Variants in COLEC12 observed in about 807,000 individuals in gnomAD.
The protein encoded by COLEC12 is collectin-12.
In COLEC12, 33 loss-of-function variants were observed where a neutral mutation model predicts 71.1. That is an observed-to-expected ratio of 0.46 (90% CI 0.35 to 0.62). The LOEUF (loss-of-function observed/expected upper bound fraction) is 0.62. Among genes scored for constraint, COLEC12 ranks in the 20% least tolerant of loss-of-function variants. The pLI is 0.00. For missense variants in COLEC12, 765 were observed against 916.1 expected (o/e 0.84, Z 2.13); for synonymous variants, 350 against 353.0 (o/e 0.99, Z 0.10).
rs546406842 is a variant in COLEC12 at position 418,019 on chromosome 18, G to A, written c.59-60497C>T. 9.8e-5 allele frequency among the ~76,000 whole-genome samples: 15 copies of A among 152,322 alleles called. No homozygotes were observed. The South Asian group carries it at 3.1e-3, about 32-fold the overall frequency. On this transcript the variant is annotated intron_variant, in intron 2 of 9. Transcript: ENST00000400256. ...GGCTGCTCTAAGGCCCAAGAAGCCA[G>A]GGTGAGGGAGGGGTGAAGAACACAG... is the stretch of plus-strand genomic sequence containing the variant.
chr18:485,202 G>A (rs756882541), intron 1 of COLEC12, among the ~76,000 whole-genome samples: 9 of 152,140 alleles, frequency 5.9e-5, no homozygotes, highest in Non-Finnish European at 1.0e-4. Flanking sequence ...TTACAGTATC[G>A]GGGCCTGCAA....
At chr18:438,892 G>A (rs973788690) in intron 2 of COLEC12, among the ~76,000 whole-genome samples, 2 of 151,914 alleles carry the variant, frequency 1.3e-5, no homozygotes, top group African/African-American at 2.4e-5. Context: ...GAAGACCAGA[G>A]CTAAAGTTAG....
chr18:463,058 C>A (rs1917013822), intron 2 of COLEC12, among the ~76,000 whole-genome samples: 2 of 152,174 alleles, frequency 1.3e-5, no homozygotes, highest in Non-Finnish European at 2.9e-5. Flanking sequence ...GTGGCAGGTT[C>A]TGAAGAAGCC....
At chr18:414,864 T>C (rs561646906) in intron 2 of COLEC12, among the ~76,000 whole-genome samples, 3 of 152,306 alleles carry the variant, frequency 2.0e-5, no homozygotes, top group East Asian at 1.9e-4. Flanking sequence ...GGTCCAGTAA[T>C]ACATTTGTGA....
chr18:477,164 C>T (rs1412101870), intron 2 of COLEC12, among the ~76,000 whole-genome samples: 2 of 152,164 alleles, frequency 1.3e-5, no homozygotes, highest in Non-Finnish European at 2.9e-5. Context: ...AATACAATAC[C>T]ATGCTAGATC....
intron 2 of COLEC12, among the ~76,000 whole-genome samples, chr18:422,231 G>C (rs1255451624): frequency 6.6e-6 from 1 of 152,150 alleles, no homozygotes; most frequent in Non-Finnish European, 1.5e-5. Flanking sequence ...TCTAACTTGG[G>C]GCACCTTTAA....
chr18:334,446 G>T, intron 6 of COLEC12: 1 of 201,868 alleles, frequency 5.0e-6, no homozygotes. Flanking sequence ...TGGCCAACAC[G>T]GTGAAACCCC....
At chr18:375,283 C>T (rs1283062797) in intron 2 of COLEC12, among the ~76,000 whole-genome samples, 2 of 152,194 alleles carry the variant, frequency 1.3e-5, no homozygotes, top group South Asian at 2.1e-4. Flanking sequence ...CACCAGGCCT[C>T]GAACACACCA....
chr18:457,957 T>C (rs531964575), intron 2 of COLEC12, among the ~76,000 whole-genome samples: 1 of 152,332 alleles, frequency 6.6e-6, no homozygotes, highest in East Asian at 1.9e-4. Flanking sequence ...TAAGTTCTTC[T>C]GAGTTACATA....
chr18:451,811 T>A (rs566522359), intron 2 of COLEC12, among the ~76,000 whole-genome samples: 19 of 151,954 alleles, frequency 1.3e-4, no homozygotes, highest in African/African-American at 4.6e-4. Context: ...GTGTAAAAGT[T>A]TGGAAAATTT....
intron 2 of COLEC12, among the ~76,000 whole-genome samples, chr18:379,679 TTAGAG>T (rs1915190147): frequency 6.6e-6 from 1 of 152,072 alleles, no homozygotes; most frequent in African/African-American, 2.4e-5. Context: ...GACAAGTGAT[TTAGAG>T]TAAAGTGGTC....
chr18:328,005 T>C (rs577031595), intron 8 of COLEC12, among the ~76,000 whole-genome samples: 1 of 152,278 alleles, frequency 6.6e-6, no homozygotes, highest in South Asian at 2.1e-4. Flanking sequence ...TTCCTTTTTT[T>C]TTCCTCGTTT....
intron 6 of COLEC12, chr18:333,832 C>G (rs1453234538): frequency 6.6e-6 from 1 of 152,078 alleles, no homozygotes. Context: ...GCAGGCTTCC[C>G]TGAAGGAAAT....
Position 480,299 on chromosome 18 carries a change from C to T in COLEC12, c.58+408G>A, listed in dbSNP as rs1014364807. Among the ~76,000 whole-genome samples the T allele has an allele frequency of 6.6e-6, 1 of 152,196 alleles. No homozygotes were observed. Among genetic ancestry groups the T allele is most frequent in the African/African-American group, 2.4e-5 (1 of 41,434 alleles). ...CAGGCAGATTCTTGGAAGAAGTCTC[C>T]CTCTCACTCATCCATGAACACTGGG... On this transcript the variant is annotated intron_variant, in intron 2 of 9. Transcript: ENST00000400256. The surrounding 1 kb of genome is among the most constrained non-coding windows in gnomAD (Gnocchi z 4.1).
intron 2 of COLEC12, among the ~76,000 whole-genome samples, chr18:432,909 T>C (rs1339928704): frequency 6.6e-6 from 1 of 152,204 alleles, no homozygotes; most frequent in Non-Finnish European, 1.5e-5. Flanking sequence ...ACAGTTTTAT[T>C]AGGTTCTTGT....
intron 2 of COLEC12, among the ~76,000 whole-genome samples, chr18:376,622 T>C (rs1915120605): frequency 6.6e-6 from 1 of 152,212 alleles, no homozygotes; most frequent in African/African-American, 2.4e-5. Flanking sequence ...TTTGCTTCTC[T>C]GTCCTTGGGG....
chr18:343,614 C>T (rs1276567610), intron 5 of COLEC12, among the ~76,000 whole-genome samples: 12 of 152,160 alleles, frequency 7.9e-5, no homozygotes, highest in Non-Finnish European at 1.5e-5. Context: ...TCCCAACTCC[C>T]TGACCTTCTA....
intron 5 of COLEC12, among the ~76,000 whole-genome samples, chr18:335,554 G>A (rs537553702): frequency 2.0e-5 from 3 of 152,162 alleles, no homozygotes; most frequent in African/African-American, 7.2e-5. Flanking sequence ...TTAAAGAAGA[G>A]GGGATTAGGT....
chr18:482,885 C>A (rs1366063992), intron 1 of COLEC12, among the ~76,000 whole-genome samples: 1 of 151,874 alleles, frequency 6.6e-6, no homozygotes, highest in Non-Finnish European at 1.5e-5. Context: ...AGTGCTGGGA[C>A]TACAGATGTG....
Sources: gnomAD v4.1 joint callset for allele counts (sites outside exome capture counted in the v4.1 genomes callset) on GRCh38, gnomAD v4.1.1 for gene constraint, Gnocchi (gnomAD v3.1) non-coding constraint, MANE v1.5 for transcripts, NCBI Gene and HGNC (gene_info 2026-07-23, HGNC 2026-07-21) for gene names.